PLCXD2: variants seen among roughly 807,000 people sequenced by gnomAD.
PLCXD2 encodes PI-PLC X domain-containing protein 2.
PLCXD2 carries 21 observed loss-of-function variants against 28.6 expected under a neutral mutation model. The observed-to-expected ratio is 0.73, with a 90% CI of 0.52 to 1.06. The LOEUF (loss-of-function observed/expected upper bound fraction) is 1.06, where lower values mean the gene tolerates loss of function less well. PLCXD2 is among the 50% of genes least tolerant of loss of function. The pLI is 0.00. For synonymous variants in PLCXD2, 140 were observed against 150.1 expected, an observed-to-expected ratio of 0.93 and a Z score of 0.49; for missense variants, 369 against 376.7, an observed-to-expected ratio of 0.98 and a Z score of 0.17.
intron 1 of PLCXD2, chr3:111,692,388 G>A (rs1026165670): frequency 6.6e-6 from 1 of 152,396 alleles, no homozygotes; most frequent in African/African-American, 2.4e-5. Flanking sequence ...AGTTCCAGGG[G>A]CAGAGGAAAG....
At chr3:111,697,456 AC>A (rs1464756550) in intron 1 of PLCXD2, among the ~76,000 whole-genome samples, 2 of 152,218 alleles carry the variant, frequency 1.3e-5, no homozygotes, top group Non-Finnish European at 2.9e-5. Context: ...ATCTCTAAGA[AC>A]TATGCATTAA....
chr3:111,722,305 G>A lies in PLCXD2; in HGVS notation c.866+8177G>A, dbSNP rs1559800019. On this transcript the variant is annotated intron_variant, in intron 3 of 4. Coordinates refer to ENST00000477665, the MANE Select transcript of PLCXD2 (RefSeq NM_001185106.1). ...CTTACCCAGGATAGATGCTGCTATG[G>A]TCTTTCTGTCCTGAACAGGACCACG... The A allele has an allele frequency of 2.0e-5, 3 of 152,072 alleles. No homozygotes were observed. The South Asian group carries it at 6.2e-4, about 32-fold the overall frequency. 9.4% of individuals were successfully genotyped at this position (152,072 alleles called of 1,614,324 possible).
Position 111,707,932 on chromosome 3 carries a change from A to G in PLCXD2, c.170A>G (p.His57Arg). The G allele has an allele frequency of 1.9e-6, 3 of 1,613,176 alleles. No homozygotes were observed. Among genetic ancestry groups the G allele is most frequent in the Non-Finnish European group, 1.7e-6 (2 of 1,179,534 alleles). ...CCTGTATTCCTTTGTACAGGCTCAC[A>G]TGATTCATTCAGCTACTGGGTGGAT... Residue 57 changes from histidine to arginine, a missense_variant, in exon 2 of 5, where the codon CAT (histidine) becomes CGT (arginine). Transcript: ENST00000477665.
intron 1 of PLCXD2, 83 bp from the exon 2 acceptor site, chr3:111,707,843 T>G (rs76262777): frequency 0.11 from 138,744 of 1,303,376 alleles, 8,731 homozygotes; most frequent in African/African-American, 0.24. Flanking sequence ...TTAATTTTTG[T>G]TTTGTTTTGT....
chr3:111,702,363 A>C (rs1398783272), intron 1 of PLCXD2, among the ~76,000 whole-genome samples: 2 of 152,172 alleles, frequency 1.3e-5, no homozygotes, highest in Admixed American at 6.6e-5. Flanking sequence ...ACTCAGATGG[A>C]AAGAAGTATG....
chr3:111,712,324 T>A (rs1941210098), intron 2 of PLCXD2, among the ~76,000 whole-genome samples: 1 of 152,204 alleles, frequency 6.6e-6, no homozygotes, highest in South Asian at 2.1e-4. Context: ...CCAAGATGTG[T>A]CTGACAGGTC....
At chr3:111,707,071 C>G (rs1424288666) in intron 1 of PLCXD2, among the ~76,000 whole-genome samples, 1 of 152,086 alleles carries the variant, frequency 6.6e-6, no homozygotes, top group Non-Finnish European at 1.5e-5. Context: ...CACTATAGAC[C>G]AAACAGGCAT....
At chr3:111,725,825 T>A in intron 3 of PLCXD2, 2 of 398,600 alleles carry the variant, frequency 5.0e-6, no homozygotes. Context: ...TAGAGGCATA[T>A]TCTGTGTCAT....
At chr3:111,705,370 C>T (rs1003131754) in intron 1 of PLCXD2, among the ~76,000 whole-genome samples, 1 of 152,040 alleles carries the variant, frequency 6.6e-6, no homozygotes, top group East Asian at 1.9e-4. Flanking sequence ...GAATAGTATT[C>T]CAGTATGTGT....
intron 3 of PLCXD2, among the ~76,000 whole-genome samples, chr3:111,715,316 T>C (rs1456067900): frequency 2.0e-5 from 3 of 152,234 alleles, no homozygotes; most frequent in South Asian, 2.1e-4. Context: ...GTTTTCCTCA[T>C]GCCTCTGGTA....
chr3:111,719,716 C>T (rs1941320313), intron 3 of PLCXD2, among the ~76,000 whole-genome samples: 1 of 152,114 alleles, frequency 6.6e-6, no homozygotes, highest in African/African-American at 2.4e-5. Context: ...AAAAAAAAAT[C>T]AGTATAGCTG....
chr3:111,719,641 G>A lies in PLCXD2; in HGVS notation c.866+5513G>A, dbSNP rs560468080. On this transcript the variant is annotated intron_variant, in intron 3 of 4. Transcript: ENST00000477665. ...TTATGCCAAGTGAAAGAAAACTCAC[G>A]TGAAATAATACATTTTTCATGGCTT... is the stretch of plus-strand genomic sequence containing the variant. Among the ~76,000 whole-genome samples, 22 of 152,256 alleles carry A rather than the reference G, an allele frequency of 1.4e-4. No individual in the cohort carries two copies. The East Asian group carries it at 2.3e-3, about 16-fold the overall frequency.
rs1302981016 is a variant in PLCXD2 at position 111,692,166 on chromosome 3, C to T, written c.164-15760C>T. ...ATGCCGTTCTCCAGCTTCAGCCGCC[C>T]GAGTAGCTGGGACTGCAGGCACCCA... is the stretch of plus-strand genomic sequence containing the variant. On this transcript the variant is annotated intron_variant, in intron 1 of 4. Coordinates refer to ENST00000477665, the MANE Select transcript of PLCXD2 (RefSeq NM_001185106.1). Among the ~76,000 whole-genome samples the T allele has an allele frequency of 5.3e-5, 8 of 152,132 alleles. 1 individual carries two copies. Among genetic ancestry groups the T allele is most frequent in the African/African-American group, 7.2e-5 (3 of 41,418 alleles).
chr3:111,675,862 G>A (rs1216167468), intron 1 of PLCXD2, among the ~76,000 whole-genome samples: 5 of 152,124 alleles, frequency 3.3e-5, no homozygotes, highest in Admixed American at 3.3e-4. Context: ...AACAAAAAAT[G>A]GATAAGCATT....
intron 3 of PLCXD2, chr3:111,721,912 C>T (rs1475579407): frequency 1.3e-5 from 2 of 152,226 alleles, no homozygotes; most frequent in East Asian, 3.9e-4. Flanking sequence ...ACTGCAATGG[C>T]ATTAAAGGAG....
chr3:111,714,210 G>C, intron 3 of PLCXD2, 82 bp downstream of exon 3: 1 of 1,478,418 alleles, frequency 6.8e-7, no homozygotes. Flanking sequence ...TCGCAGTAAA[G>C]CCATGTAGTC....
At chr3:111,711,273 A>C (rs996627550) in intron 2 of PLCXD2, among the ~76,000 whole-genome samples, 8 of 152,138 alleles carry the variant, frequency 5.3e-5, no homozygotes, top group African/African-American at 1.9e-4. Flanking sequence ...GCATGGTGGC[A>C]CACGCCTGTA....
chr3:111,687,923 A>G (rs1289066649), intron 1 of PLCXD2, among the ~76,000 whole-genome samples: 1 of 152,024 alleles, frequency 6.6e-6, no homozygotes, highest in Non-Finnish European at 1.5e-5. Context: ...TCCTCTCGCA[A>G]TGACCTCCCA....
At chr3:111,712,897 G>A in intron 2 of PLCXD2, among the ~76,000 whole-genome samples, 1 of 152,156 alleles carries the variant, frequency 6.6e-6, no homozygotes, top group East Asian at 1.9e-4. Context: ...CTATCCCACA[G>A]CTGCCTCCCA....
Sources: gnomAD v4.1 joint callset for allele counts (sites outside exome capture counted in the v4.1 genomes callset) on GRCh38, gnomAD v4.1.1 for gene constraint, MANE v1.5 for transcripts, NCBI Gene and HGNC (gene_info 2026-07-23, HGNC 2026-07-21) for gene names.